The following EPC2 variants were observed in gnomAD, a reference collection of about 807,000 sequenced individuals.
The protein encoded by EPC2 is enhancer of polycomb homolog 2.
EPC2 carries 14 observed loss-of-function variants against 92.1 expected under a neutral mutation model. That is an observed-to-expected ratio of 0.15 (90% CI 0.10 to 0.24). The LOEUF (loss-of-function observed/expected upper bound fraction) is 0.24, where lower values mean the gene tolerates loss of function less well. Among genes scored for constraint, EPC2 ranks in the 10% least tolerant of loss-of-function variants. EPC2 has a pLI of 1.00. For synonymous variants in EPC2, 340 were observed against 334.7 expected, an observed-to-expected ratio of 1.02 and a Z score of -0.17; for missense variants, 755 against 971.5, an observed-to-expected ratio of 0.78 and a Z score of 2.96.
chr2:148,663,240 T>TATTATTA, intron 1 of EPC2, among the ~76,000 whole-genome samples: 3 of 144,692 alleles, frequency 2.1e-5, no homozygotes, highest in Non-Finnish European at 4.5e-5. Flanking sequence ...TTATTATTAT[T>TATTATTA]TTGAGACAGA....
chr2:148,755,378 TA>T (rs1027998228), intron 4 of EPC2, among the ~76,000 whole-genome samples: 3 of 150,934 alleles, frequency 2.0e-5, no homozygotes, highest in South Asian at 4.2e-4. Flanking sequence ...TCTAAATCAT[TA>T]AAAAAAAACC....
intron 3 of EPC2, 76 bp from the exon 4 acceptor site, chr2:148,753,851 T>C (rs1683124644): frequency 3.8e-6 from 5 of 1,316,212 alleles, no homozygotes; most frequent in Non-Finnish European, 5.2e-6. Context: ...GTCGCATTTT[T>C]TTCTACAGCC....
intron 7 of EPC2, among the ~76,000 whole-genome samples, chr2:148,768,518 C>T (rs144574077): frequency 1.6e-4 from 25 of 152,262 alleles, no homozygotes; most frequent in African/African-American, 6.0e-4. Context: ...TCTAGCGTTG[C>T]GGGCTTATCT....
intron 2 of EPC2, among the ~76,000 whole-genome samples, chr2:148,726,799 T>G (rs1312032070): frequency 1.4e-5 from 2 of 142,744 alleles, no homozygotes; most frequent in African/African-American, 5.1e-5. Flanking sequence ...TGTTTTTGAG[T>G]TTTAGGAGTT....
intron 1 of EPC2, among the ~76,000 whole-genome samples, chr2:148,655,783 G>C (rs953954612): frequency 6.6e-6 from 1 of 152,054 alleles, no homozygotes; most frequent in Non-Finnish European, 1.5e-5. Flanking sequence ...AAGCATACAG[G>C]CTGCAGATTT....
intron 1 of EPC2, among the ~76,000 whole-genome samples, chr2:148,647,872 C>T (rs2105347935): frequency 6.6e-6 from 1 of 152,116 alleles, no homozygotes; most frequent in East Asian, 1.9e-4. Context: ...ACTCTTGCTC[C>T]ACCTGCCTCG....
chr2:148,721,890 C>CTTTTTTTTTTTTTTTTTTTTTTTTTTT, intron 2 of EPC2, among the ~76,000 whole-genome samples: 3 of 60,770 alleles, frequency 4.9e-5, no homozygotes, highest in African/African-American at 1.3e-4. Flanking sequence ...GTTTTGATTT[C>CTTTTTTTTTTTTTTTTTTTTTTTTTTT]TTTTTTTTTT....
intron 10 of EPC2, among the ~76,000 whole-genome samples, chr2:148,778,892 T>G (rs1397712455): frequency 6.6e-6 from 1 of 152,216 alleles, no homozygotes; most frequent in African/African-American, 2.4e-5. Context: ...TGAATGTAAT[T>G]TTTTAAAGCA....
chr2:148,747,320 G>A (rs999628377), intron 3 of EPC2, among the ~76,000 whole-genome samples: 1 of 151,928 alleles, frequency 6.6e-6, no homozygotes. Flanking sequence ...TTTTACTCCT[G>A]TAGAAGCATA....
chr2:148,649,586 G>A (rs1055788545), intron 1 of EPC2, among the ~76,000 whole-genome samples: 1 of 152,038 alleles, frequency 6.6e-6, no homozygotes, highest in Non-Finnish European at 1.5e-5. Flanking sequence ...TTTTTTAGTT[G>A]TTTCCAGTTT....
intron 2 of EPC2, among the ~76,000 whole-genome samples, chr2:148,721,918 A>T (rs1427830929): frequency 1.4e-4 from 5 of 36,526 alleles, no homozygotes; most frequent in Admixed American, 4.1e-4. Context: ...CAGAATTCTC[A>T]TCTCTCTTCT....
chr2:148,778,703 A>C (rs562318368), intron 10 of EPC2, among the ~76,000 whole-genome samples: 96 of 152,278 alleles, frequency 6.3e-4, no homozygotes, highest in Non-Finnish European at 1.2e-3. Flanking sequence ...TGTGTCATTG[A>C]TTACTATTGG....
intron 2 of EPC2, among the ~76,000 whole-genome samples, chr2:148,735,653 A>C (rs13030896): frequency 0.18 from 27,800 of 151,828 alleles, 3,265 homozygotes; most frequent in East Asian, 0.49. Flanking sequence ...GCCATCCCAA[A>C]ATTATTTGCT....
intron 1 of EPC2, among the ~76,000 whole-genome samples, chr2:148,670,840 C>T (rs750218979): frequency 2.1e-4 from 32 of 152,200 alleles, no homozygotes; most frequent in Non-Finnish European, 3.1e-4. Context: ...GTAGCTGGCA[C>T]GTGCCACCTA....
Position 148,690,251 on chromosome 2 carries a change from T to G in EPC2, c.191T>G (p.Val64Gly). ...CAGCGAGCAATTTCAGCACAGCAAG[T>G]GTTTAGAGAAAAAAAAGAGAGTATG... ...HLQRAISAQQ[V>G]FREKKESMVI... The change falls in exon 2 of 14, where the codon GTG (valine) becomes GGG (glycine). Residue 64 changes from valine to glycine, a missense_variant. This residue lies in a region of EPC2 where 509 missense variants were observed against 607.7 expected (regional missense o/e 0.84). Coordinates refer to ENST00000258484, the MANE Select transcript of EPC2 (RefSeq NM_015630.4). 6.2e-7 allele frequency: 1 copy of G among 1,607,642 alleles called. No individual in the cohort carries two copies. Among genetic ancestry groups the G allele is most frequent in the Non-Finnish European group, 8.5e-7 (1 of 1,178,232 alleles).
At chr2:148,748,812 T>G (rs1333681171) in intron 3 of EPC2, among the ~76,000 whole-genome samples, 4 of 152,034 alleles carry the variant, frequency 2.6e-5, no homozygotes, top group African/African-American at 9.7e-5. Flanking sequence ...ATGTTGGGAC[T>G]CAAAAAAAAA....
chr2:148,684,200 G>A (rs1183304968), intron 1 of EPC2, among the ~76,000 whole-genome samples: 1 of 152,182 alleles, frequency 6.6e-6, no homozygotes, highest in East Asian at 1.9e-4. Flanking sequence ...CCCACTTTTT[G>A]ATGGGATTGT....
chr2:148,723,041 G>A (rs1682414302), intron 2 of EPC2, among the ~76,000 whole-genome samples: 1 of 152,154 alleles, frequency 6.6e-6, no homozygotes, highest in Admixed American at 6.5e-5. Flanking sequence ...AGGATGGAAG[G>A]AGGAAAAGGA....
At chr2:148,697,527 T>C (rs767470119) in intron 2 of EPC2, among the ~76,000 whole-genome samples, 12 of 152,300 alleles carry the variant, frequency 7.9e-5, no homozygotes, top group Non-Finnish European at 1.3e-4. Flanking sequence ...ACACACTTCA[T>C]ATTTTACTGT....
Sources: allele counts gnomAD v4.1 joint callset (sites outside exome capture counted in the v4.1 genomes callset), GRCh38; gene constraint gnomAD v4.1.1; regional missense constraint gnomAD v4.1.1; transcripts MANE v1.5; gene names NCBI Gene and HGNC (gene_info 2026-07-23, HGNC 2026-07-21).